NAA16: variants seen among roughly 807,000 people sequenced by gnomAD.
NAA16 encodes N-alpha-acetyltransferase 16, NatA auxiliary subunit.
Under a neutral mutation model 110.3 loss-of-function variants are expected in NAA16, and 97 were observed. The ratio of observed to expected loss-of-function variants is 0.88; its 90% CI spans 0.75 to 1.04. The LOEUF is 1.04. Among genes scored for constraint, NAA16 ranks in the 50% least tolerant of loss-of-function variants. The pLI, the probability that NAA16 is intolerant of heterozygous loss-of-function variation, is 0.00. For missense variants in NAA16, 1,017 were observed against 1,005.1 expected (o/e 1.01, Z -0.16); for synonymous variants, 372 against 330.6 (o/e 1.13, Z -1.36).
intron 1 of NAA16, among the ~76,000 whole-genome samples, chr13:41,312,827 A>C (rs2041671943): frequency 6.6e-6 from 1 of 152,220 alleles, no homozygotes; most frequent in South Asian, 2.1e-4. Flanking sequence ...GTTTTGAACC[A>C]ATAATAAGAT....
At chr13:41,349,697 G>T (rs1593484683) in intron 9 of NAA16, among the ~76,000 whole-genome samples, 1 of 152,078 alleles carries the variant, frequency 6.6e-6, no homozygotes, top group African/African-American at 2.4e-5. Flanking sequence ...GGGTGTGGTG[G>T]CTCACGCCTG....
At chr13:41,351,838 G>C (rs887795984) in intron 9 of NAA16, among the ~76,000 whole-genome samples, 1 of 152,122 alleles carries the variant, frequency 6.6e-6, no homozygotes, top group Non-Finnish European at 1.5e-5. Flanking sequence ...TACTTAAGTG[G>C]ATTGGCTTTC....
In NAA16 at chr13:41,358,977, G is replaced by T. The variant is rs1386102467; in HGVS notation, c.1410+15G>T. On this transcript the variant is annotated intron_variant, in intron 12 of 19. Transcript: ENST00000379406. ...AGTTCACAAGGGTAGGAAATAGCATGCATGAGCATGTAATTGTCTAAATTA... is the reference window on the plus strand; with the variant it reads ...AGTTCACAAGGGTAGGAAATAGCATTCATGAGCATGTAATTGTCTAAATTA... 8.9e-6 allele frequency: 14 copies of T among 1,579,432 alleles called. No homozygotes were observed. The highest frequency in any genetic ancestry group is 1.2e-5 in the Non-Finnish European group (14 of 1,156,106).
At chr13:41,316,520 G>A (rs2041815466) in intron 1 of NAA16, among the ~76,000 whole-genome samples, 1 of 152,040 alleles carries the variant, frequency 6.6e-6, no homozygotes, top group African/African-American at 2.4e-5. Flanking sequence ...GGCCAGGTTG[G>A]TCTCGAACTC....
rs766401697 is a variant in NAA16 at position 41,373,656 on chromosome 13, T to G, written c.2175T>G (p.Leu725=). The change falls in exon 18 of 20, where the codon CTT becomes CTG. Residue 725 remains leucine, a synonymous_variant. Transcript: ENST00000379406. ...FSKSVSNHSN[L]PDIVSKVLSQ... is the part of the protein sequence containing the mutation. ...TTATAGTGTCTAATCATAGTAATCTTCCAGACATTGTGAGCAAAGTTCTAT... is the reference window on the plus strand; with the variant it reads ...TTATAGTGTCTAATCATAGTAATCTGCCAGACATTGTGAGCAAAGTTCTAT... 2 of 1,606,118 alleles carry G rather than the reference T, an allele frequency of 1.2e-6. No individual in the cohort carries two copies. Among genetic ancestry groups the G allele is most frequent in the Non-Finnish European group, 1.7e-6 (2 of 1,176,976 alleles).
chr13:41,328,917 C>A, intron 7 of NAA16, 74 bp downstream of exon 7: 1 of 1,285,706 alleles, frequency 7.8e-7, no homozygotes, highest in Non-Finnish European at 1.1e-6. Context: ...TGTAATAATA[C>A]TTGGGAACAA....
intron 9 of NAA16, among the ~76,000 whole-genome samples, chr13:41,340,707 T>C (rs541385277): frequency 6.3e-4 from 78 of 123,610 alleles, no homozygotes; most frequent in Non-Finnish European, 1.0e-3. Flanking sequence ...ACGGAGTCTC[T>C]CTCATTGCGC....
At chr13:41,342,384 A>G (rs911371129) in intron 9 of NAA16, among the ~76,000 whole-genome samples, 2 of 151,980 alleles carry the variant, frequency 1.3e-5, no homozygotes, top group East Asian at 3.9e-4. Flanking sequence ...GCAATCCGCC[A>G]TCCTTGGCCT....
chr13:41,357,987 T>G (rs933531614), intron 10 of NAA16, among the ~76,000 whole-genome samples: 1 of 152,194 alleles, frequency 6.6e-6, no homozygotes, highest in Non-Finnish European at 1.5e-5. Flanking sequence ...CCTTGACTTT[T>G]CCTGGTCTTG....
At chr13:41,337,353 C>T (rs1328658941) in intron 9 of NAA16, among the ~76,000 whole-genome samples, 1 of 151,882 alleles carries the variant, frequency 6.6e-6, no homozygotes, top group Non-Finnish European at 1.5e-5. Flanking sequence ...ACTATCCTGG[C>T]GAACACGGTG....
chr13:41,357,055 A>T (rs1342144063), intron 10 of NAA16, among the ~76,000 whole-genome samples: 3 of 152,224 alleles, frequency 2.0e-5, no homozygotes, highest in African/African-American at 7.2e-5. Flanking sequence ...CGGTGGCTCC[A>T]CACCTGTGAT....
chr13:41,356,811 A>T (rs933822579), intron 10 of NAA16, among the ~76,000 whole-genome samples: 1 of 152,152 alleles, frequency 6.6e-6, no homozygotes, highest in Non-Finnish European at 1.5e-5. Context: ...TTCTCATGGT[A>T]TCATTTGCTG....
At chr13:41,327,664 G>A (rs1331150336) in intron 6 of NAA16, among the ~76,000 whole-genome samples, 3 of 151,322 alleles carry the variant, frequency 2.0e-5, no homozygotes, top group Admixed American at 6.6e-5. Context: ...TGAAAAATAC[G>A]CTGTTGTCTA....
At chr13:41,327,065 C>T (rs796733029) in intron 6 of NAA16, among the ~76,000 whole-genome samples, 1 of 152,096 alleles carries the variant, frequency 6.6e-6, no homozygotes, top group African/African-American at 2.4e-5. Context: ...CAAATCATCT[C>T]TTGCCTGAGA....
chr13:41,332,125 C>T (rs545966219), intron 8 of NAA16, among the ~76,000 whole-genome samples: 6 of 152,094 alleles, frequency 3.9e-5, no homozygotes, highest in East Asian at 1.9e-4. Flanking sequence ...AGTGCAGTGG[C>T]GCAATCACTG....
At chr13:41,352,550 G>T (rs1261106669) in intron 9 of NAA16, among the ~76,000 whole-genome samples, 1 of 152,052 alleles carries the variant, frequency 6.6e-6, no homozygotes, top group Non-Finnish European at 1.5e-5. Context: ...AGCTACTCAG[G>T]AGGCTGAGGC....
Position 41,359,077 on chromosome 13 carries a change from T to G in NAA16, c.1410+115T>G, listed in dbSNP as rs893755778. ...AGTGGAAGTTCATAAAAATTCATTT[T>G]TATTATTGTTTTTTAAAATCCCATT... is the stretch of plus-strand genomic sequence containing the variant. On this transcript the variant is annotated intron_variant, in intron 12 of 19. Coordinates refer to ENST00000379406, the MANE Select transcript of NAA16 (RefSeq NM_024561.5). The G allele has an allele frequency of 6.9e-6, 6 of 874,504 alleles. No individual in the cohort carries two copies. The African/African-American group carries it at 1.9e-4, about 28-fold the overall frequency. 54.2% of individuals were successfully genotyped at this position (874,504 alleles called of 1,614,324 possible). A position where few individuals can be genotyped will look rare whatever the true frequency, so the allele number is the denominator to read the frequency against.
chr13:41,361,812 T>TA (rs1417620981), intron 12 of NAA16, among the ~76,000 whole-genome samples: 1 of 152,230 alleles, frequency 6.6e-6, no homozygotes, highest in Non-Finnish European at 1.5e-5. Context: ...TTAATATCTT[T>TA]AGACCATGGT....
At chr13:41,334,842 A>G (rs1256898269) in intron 8 of NAA16, among the ~76,000 whole-genome samples, 1 of 152,184 alleles carries the variant, frequency 6.6e-6, no homozygotes, top group Admixed American at 6.5e-5. Flanking sequence ...CTGATGGTGT[A>G]TTCTTCTACA....
Sources: gnomAD v4.1 joint callset for allele counts (sites outside exome capture counted in the v4.1 genomes callset) on GRCh38, gnomAD v4.1.1 for gene constraint, MANE v1.5 for transcripts, NCBI Gene and HGNC (gene_info 2026-07-23, HGNC 2026-07-21) for gene names.